TOM1L2: variants seen among roughly 807,000 people sequenced by gnomAD.
TOM1L2 encodes the protein TOM1-like protein 2.
Under a neutral mutation model 67.9 loss-of-function variants are expected in TOM1L2, and 31 were observed. The observed-to-expected ratio is 0.46, with a 90% CI of 0.34 to 0.62. The LOEUF is 0.62. Ranked by LOEUF, TOM1L2 falls within the 20% of genes least tolerant of loss-of-function variation. The probability of loss-of-function intolerance (pLI) is 0.01; values close to 1 mark genes in which losing one functional copy is unlikely to be tolerated. For missense variants in TOM1L2, 606 were observed against 663.5 expected (o/e 0.91, Z 0.95); for synonymous variants, 256 against 254.0 (o/e 1.01, Z -0.07).
chr17:17,908,085 G>A (rs2039176077), intron 1 of TOM1L2, among the ~76,000 whole-genome samples: 1 of 152,218 alleles, frequency 6.6e-6, no homozygotes, highest in South Asian at 2.1e-4. Flanking sequence ...CTACATTTCA[G>A]ATAAGGGGGA....
At chr17:17,913,624 G>T (rs183109465) in intron 1 of TOM1L2, among the ~76,000 whole-genome samples, 2 of 152,278 alleles carry the variant, frequency 1.3e-5, no homozygotes, top group Non-Finnish European at 2.9e-5. Flanking sequence ...AAAATGAAAA[G>T]AAAGAAGCAT....
chr17:17,970,040 TTTGTTGTTG>T (rs924796669), intron 1 of TOM1L2, among the ~76,000 whole-genome samples: 1 of 151,962 alleles, frequency 6.6e-6, no homozygotes, highest in Non-Finnish European at 1.5e-5. Flanking sequence ...TATTTGGTTT[TTTGTTGTTG>T]TTGTTGTTGT....
intron 9 of TOM1L2, 122 bp downstream of exon 9, chr17:17,866,754 G>A: frequency 9.7e-7 from 1 of 1,031,154 alleles, no homozygotes; most frequent in African/African-American, 1.6e-5. Flanking sequence ...ACCAGAGCTT[G>A]CCTCTTCAAT....
chr17:17,870,322 G>T (rs2037085018), intron 7 of TOM1L2, among the ~76,000 whole-genome samples: 1 of 152,136 alleles, frequency 6.6e-6, no homozygotes, highest in South Asian at 2.1e-4. Flanking sequence ...CCCTGTTCCA[G>T]AACAGCAGAC....
At position 17,847,596 on chromosome 17, in the gene TOM1L2, C is replaced by T. The variant is rs200097417; in HGVS notation, c.*39G>A. On this transcript the variant is annotated 3_prime_UTR_variant, in exon 15 of 15. Transcript: ENST00000379504. ...GTGCCCGGTGTCCACGGGGTGCGAG[C>T]GGGGACCCGCCATCTGGGGAGGCAA... The T allele has an allele frequency of 2.0e-4, 309 of 1,571,274 alleles. 3 individuals are homozygous for T. The East Asian group carries it at 5.3e-3, about 27-fold the overall frequency.
intron 6 of TOM1L2, 37 bp from the exon 7 acceptor site, chr17:17,879,780 AG>A (rs1598252157): frequency 2.6e-6 from 4 of 1,528,982 alleles, no homozygotes; most frequent in Non-Finnish European, 3.6e-6. Context: ...CAGGAAGGAA[AG>A]GTCAGTCAGC....
At chr17:17,853,262 T>TA (rs1383266684) in intron 12 of TOM1L2, among the ~76,000 whole-genome samples, 3 of 152,216 alleles carry the variant, frequency 2.0e-5, no homozygotes, top group African/African-American at 7.2e-5. Context: ...CACTAGCGGT[T>TA]AGAGTGTGCA....
intron 7 of TOM1L2, among the ~76,000 whole-genome samples, chr17:17,873,245 A>C (rs548766131): frequency 6.6e-6 from 1 of 152,352 alleles, no homozygotes; most frequent in Admixed American, 6.5e-5. Flanking sequence ...TTTACAGTGA[A>C]CAGACACCAT....
In TOM1L2 at chr17:17,954,469, T is replaced by C. The variant is rs539032449; in HGVS notation, c.52+17793A>G. Among the ~76,000 whole-genome samples the C allele has an allele frequency of 5.9e-5, 9 of 152,248 alleles. No homozygotes were observed. The South Asian group carries it at 1.7e-3, about 28-fold the overall frequency. Reference sequence around the variant, plus strand: ...CTGGGATTACAGGAACCCACCACCATGTCCTGCTAATTTTTGTATTTTTAG... The same window carrying C: ...CTGGGATTACAGGAACCCACCACCACGTCCTGCTAATTTTTGTATTTTTAG... On this transcript the variant is annotated intron_variant, in intron 1 of 14. Coordinates refer to ENST00000379504, the MANE Select transcript of TOM1L2 (RefSeq NM_001082968.2).
chr17:17,899,814 A>T (rs1247855630), intron 2 of TOM1L2, among the ~76,000 whole-genome samples: 1 of 152,218 alleles, frequency 6.6e-6, no homozygotes. Context: ...CTATTCCTAC[A>T]GTTTTAAAAC....
chr17:17,937,872 T>C (rs2040572953), intron 1 of TOM1L2, among the ~76,000 whole-genome samples: 1 of 152,186 alleles, frequency 6.6e-6, no homozygotes, highest in East Asian at 1.9e-4. Flanking sequence ...CTCTTAAGCT[T>C]AAAGACAGCT....
At chr17:17,887,874 G>A (rs1448806143) in intron 4 of TOM1L2, among the ~76,000 whole-genome samples, 2 of 152,224 alleles carry the variant, frequency 1.3e-5, no homozygotes, top group Non-Finnish European at 2.9e-5. Flanking sequence ...AGTTCTCACA[G>A]TTACTAAGCA....
rs1408478663 is a variant in TOM1L2, at chr17:17,862,802, T to C, written c.1131A>G (p.Gln377=). Reference sequence around the variant, plus strand: ...TGTCAAAGCCGTCACGGGGATTACATTGCTGGAGTGAACTGAGGGTGCCAC... The same window carrying C: ...TGTCAAAGCCGTCACGGGGATTACACTGCTGGAGTGAACTGAGGGTGCCAC... ...SVSGTLSSLQ[Q]CNPRDGFDMF... The change falls in exon 11 of 15, where the codon CAA becomes CAG. Residue 377 remains glutamine (Q), a synonymous_variant. Coordinates refer to ENST00000379504, the MANE Select transcript of TOM1L2 (RefSeq NM_001082968.2). 3.1e-6 allele frequency: 5 copies of C among 1,614,048 alleles called. No individual in the cohort carries two copies. Among genetic ancestry groups the C allele is most frequent in the East Asian group, 4.5e-5 (2 of 44,890 alleles).
intron 2 of TOM1L2, among the ~76,000 whole-genome samples, chr17:17,900,820 T>C (rs945158041): frequency 6.6e-6 from 1 of 152,228 alleles, no homozygotes; most frequent in Non-Finnish European, 1.5e-5. Context: ...GTTTGTGGCA[T>C]GAGAGCTGAT....
chr17:17,929,878 G>T (rs1461192242), intron 1 of TOM1L2, among the ~76,000 whole-genome samples: 1 of 152,166 alleles, frequency 6.6e-6, no homozygotes, highest in Non-Finnish European at 1.5e-5. Context: ...TGAACACTTA[G>T]ACAAGTTAAA....
intron 1 of TOM1L2, among the ~76,000 whole-genome samples, chr17:17,936,516 G>A (rs1233203426): frequency 6.6e-6 from 1 of 152,020 alleles, no homozygotes; most frequent in African/African-American, 2.4e-5. Flanking sequence ...AATCTGAAAT[G>A]CAAAGATATA....
intron 1 of TOM1L2, among the ~76,000 whole-genome samples, chr17:17,969,047 A>ACCAGCTC (rs1055988041): frequency 2.0e-5 from 3 of 148,290 alleles, no homozygotes; most frequent in Non-Finnish European, 4.5e-5. Flanking sequence ...TCAGAGAGGG[A>ACCAGCTC]CCAGCTCTCC....
At chr17:17,943,400 G>A (rs973482689) in intron 1 of TOM1L2, among the ~76,000 whole-genome samples, 3 of 152,184 alleles carry the variant, frequency 2.0e-5, no homozygotes, top group Non-Finnish European at 4.4e-5. Flanking sequence ...CTGCTGCTGG[G>A]GTGCGACAGA....
intron 1 of TOM1L2, among the ~76,000 whole-genome samples, chr17:17,944,932 C>T (rs571828698): frequency 1.3e-5 from 2 of 152,262 alleles, no homozygotes; most frequent in South Asian, 2.1e-4. Flanking sequence ...TTTCATAGGC[C>T]GGATGCTCCT....
Sources: gnomAD v4.1 joint callset for allele counts (sites outside exome capture counted in the v4.1 genomes callset) on GRCh38, gnomAD v4.1.1 for gene constraint, MANE v1.5 for transcripts, NCBI Gene and HGNC (gene_info 2026-07-23, HGNC 2026-07-21) for gene names.